The following PCNX2 variants were observed in gnomAD, a reference collection of about 807,000 sequenced individuals.
PCNX2 encodes the protein pecanex-like protein 2.
Under a neutral mutation model 223.8 loss-of-function variants are expected in PCNX2, and 168 were observed. The ratio of observed to expected loss-of-function variants is 0.75; its 90% confidence interval spans 0.66 to 0.85. PCNX2 has a LOEUF of 0.85. PCNX2 is among the 40% of genes least tolerant of loss of function. The pLI, the probability that PCNX2 is intolerant of heterozygous loss-of-function variation, is 0.00. For synonymous variants in PCNX2, 1,006 were observed against 1,052.6 expected (o/e 0.96, Z 0.86); for missense variants, 2,507 against 2,675.5 (o/e 0.94, Z 1.39).
intron 8 of PCNX2, among the ~76,000 whole-genome samples, chr1:233,247,367 A>G (rs1324969852): frequency 1.3e-5 from 2 of 152,232 alleles, no homozygotes; most frequent in Non-Finnish European, 2.9e-5. Context: ...CTAACTATAC[A>G]TATGATAGCA....
chr1:233,079,230 A>C (rs901951369), intron 23 of PCNX2, among the ~76,000 whole-genome samples: 1 of 152,146 alleles, frequency 6.6e-6, no homozygotes, highest in Non-Finnish European at 1.5e-5. Context: ...ATCACTCTCT[A>C]AAACTAAAAG....
intron 4 of PCNX2, chr1:233,259,898 A>G: frequency 1.0e-5 from 8 of 790,870 alleles, no homozygotes; most frequent in Non-Finnish European, 1.2e-5. Context: ...GAAAAGCAAT[A>G]CAGTATAACA....
At chr1:233,242,642 AAAGAG>A (rs1658843341) in intron 8 of PCNX2, among the ~76,000 whole-genome samples, 1 of 152,264 alleles carries the variant, frequency 6.6e-6, no homozygotes, top group African/African-American at 2.4e-5. Flanking sequence ...GCTGAACAAA[AAAGAG>A]AAACTATCAA....
chr1:233,095,176 G>C (rs1335600501), intron 22 of PCNX2, among the ~76,000 whole-genome samples: 1 of 152,132 alleles, frequency 6.6e-6, no homozygotes, highest in Non-Finnish European at 1.5e-5. Context: ...CTCAAAATTT[G>C]TTATGAAGTA....
the PCNX2 span, among the ~76,000 whole-genome samples, chr1:233,304,488 G>A: frequency 5.3e-5 from 8 of 152,254 alleles, no homozygotes; most frequent in African/African-American, 1.9e-4. Context: ...TCCCAAATGT[G>A]TTTACCCAAG....
At chr1:233,208,114 C>T (rs565445129) in intron 13 of PCNX2, among the ~76,000 whole-genome samples, 1 of 152,256 alleles carries the variant, frequency 6.6e-6, no homozygotes, top group Non-Finnish European at 1.5e-5. Context: ...CGCCAACATG[C>T]CTGGCTAATT....
rs1474981415 is a variant in PCNX2, at chr1:233,001,081, T to C, written c.5097+456A>G. Reference sequence around the variant, plus strand: ...CAGGGTCTTGCACTGTCACCCAGGCTGGAGTGCAGTGGCGCAATCATAGAT... The same window carrying C: ...CAGGGTCTTGCACTGTCACCCAGGCCGGAGTGCAGTGGCGCAATCATAGAT... On this transcript the variant is annotated intron_variant, in intron 29 of 33. Coordinates refer to ENST00000258229, the MANE Select transcript of PCNX2 (RefSeq NM_014801.4). This position sits in a 1 kb window ranked among gnomAD's most constrained non-coding sequence, Gnocchi z 4.2. Among the ~76,000 whole-genome samples, 3 of 152,126 alleles carry C rather than the reference T, an allele frequency of 2.0e-5. No individual in the cohort carries two copies. The highest frequency in any genetic ancestry group is 1.5e-5 in the Non-Finnish European group (1 of 68,020).
intron 14 of PCNX2, 62 bp from the exon 15 acceptor site, chr1:233,199,092 A>T (rs1349024665): frequency 5.5e-6 from 8 of 1,445,830 alleles, no homozygotes; most frequent in African/African-American, 2.8e-5. Flanking sequence ...AACAAATGTA[A>T]AACAGTGAAG....
intron 25 of PCNX2, among the ~76,000 whole-genome samples, chr1:233,028,102 A>C (rs1193339384): frequency 6.6e-6 from 1 of 152,224 alleles, no homozygotes; most frequent in Non-Finnish European, 1.5e-5. Flanking sequence ...GAGAATGAAC[A>C]CTTATTATTT....
chr1:233,060,492 T>A (rs1672365615), intron 23 of PCNX2, among the ~76,000 whole-genome samples: 2 of 152,354 alleles, frequency 1.3e-5, no homozygotes, highest in South Asian at 4.1e-4. Flanking sequence ...GCTGCCTGTG[T>A]ACCCCCAGGA....
In PCNX2 at chr1:233,161,365, T is replaced by G; in HGVS notation, c.3274-2A>C. ...GAGATCCCATTTTAAGACATCCGTC[T>G]GGAAAGAGAAAACCAGCGGTAAAGG... On this transcript the variant is annotated splice_acceptor_variant, in intron 17 of 33. Transcript: ENST00000258229. LOFTEE classifies it high-confidence loss of function. 6.2e-7 allele frequency: 1 copy of G among 1,613,466 alleles called. No homozygotes were observed. Among genetic ancestry groups the G allele is most frequent in the Non-Finnish European group, 8.5e-7 (1 of 1,179,644 alleles).
chr1:233,210,588 G>C (rs896780310), intron 12 of PCNX2: 7 of 985,148 alleles, frequency 7.1e-6, no homozygotes, highest in African/African-American at 3.5e-5. Flanking sequence ...CACTACTTCT[G>C]TTTGCCTTGA....
At chr1:233,071,477 A>G (rs1162998880) in intron 23 of PCNX2, among the ~76,000 whole-genome samples, 1 of 152,188 alleles carries the variant, frequency 6.6e-6, no homozygotes. Flanking sequence ...ATGTTTCTGC[A>G]AAGGATATGA....
At chr1:233,108,727 G>C (rs759919078) in intron 21 of PCNX2, among the ~76,000 whole-genome samples, 5 of 152,190 alleles carry the variant, frequency 3.3e-5, no homozygotes, top group African/African-American at 7.2e-5. Context: ...CTGCAGCTGG[G>C]AGGGAAGGGA....
intron 15 of PCNX2, among the ~76,000 whole-genome samples, chr1:233,185,799 A>C (rs1432249560): frequency 6.6e-6 from 1 of 152,262 alleles, no homozygotes; most frequent in Admixed American, 6.5e-5. Flanking sequence ...AGTTTGCTTC[A>C]AAATTAACAT....
At chr1:233,146,060 C>T (rs763253200) in intron 19 of PCNX2, among the ~76,000 whole-genome samples, 10 of 152,154 alleles carry the variant, frequency 6.6e-5, no homozygotes, top group Admixed American at 1.3e-4. Context: ...ATCAGAAATA[C>T]GGTCCCAAGC....
chr1:233,295,901 T>C (rs573777946), upstream of PCNX2, among the ~76,000 whole-genome samples: 1 of 150,768 alleles, frequency 6.6e-6, no homozygotes, highest in East Asian at 2.0e-4. The surrounding 1 kb of genome is among the most constrained non-coding windows in gnomAD (Gnocchi z 4.1). Flanking sequence ...TCTCTCTCTT[T>C]TTCCTTCCTC....
chr1:233,220,272 T>C lies in PCNX2; in HGVS notation c.2505-2088A>G, dbSNP rs77788662. On this transcript the variant is annotated intron_variant, in intron 10 of 33. Coordinates refer to ENST00000258229, the MANE Select transcript of PCNX2 (RefSeq NM_014801.4). ...ATGTGCAGTGTTTTGCATGGACGTA[T>C]GTTTTCAACTCATTTGGGTAAACAC... Among the ~76,000 whole-genome samples the C allele has an allele frequency of 8.9e-3, 1,356 of 152,362 alleles. 15 individuals carry two copies. Among genetic ancestry groups the C allele is most frequent in the East Asian group, 0.028 (144 of 5,186 alleles).
chr1:233,232,019 ATAAC>A (rs1658093184), intron 9 of PCNX2, among the ~76,000 whole-genome samples: 1 of 152,252 alleles, frequency 6.6e-6, no homozygotes, highest in Admixed American at 6.5e-5. Context: ...TGCCATGCAC[ATAAC>A]TTGTGTTCAA....
Sources: gnomAD v4.1 joint callset for allele counts (sites outside exome capture counted in the v4.1 genomes callset) on GRCh38, gnomAD v4.1.1 for gene constraint, Gnocchi (gnomAD v3.1) non-coding constraint, MANE v1.5 for transcripts, NCBI Gene and HGNC (gene_info 2026-07-23, HGNC 2026-07-21) for gene names.